The following SLC24A2 variants were observed in gnomAD, a reference collection of about 807,000 sequenced individuals.
The protein encoded by SLC24A2 is solute carrier family 24 member 2, also known as sodium/potassium/calcium exchanger 2.
A neutral mutation model predicts 62.0 loss-of-function variants in SLC24A2; 36 were observed. That is an observed-to-expected ratio of 0.58 (90% CI 0.44 to 0.77). SLC24A2 has a LOEUF of 0.77. Ranked by LOEUF, SLC24A2 falls within the 30% of genes least tolerant of loss-of-function variation. SLC24A2 has a pLI of 0.00. For missense variants in SLC24A2, 846 were observed against 817.9 expected (o/e 1.03, Z -0.42); for synonymous variants, 358 against 294.0 (o/e 1.22, Z -2.23).
chr9:20,138,038 A>G, the SLC24A2 span, among the ~76,000 whole-genome samples: 1 of 152,202 alleles, frequency 6.6e-6, no homozygotes, highest in African/African-American at 2.4e-5. Flanking sequence ...GAGTTAAGGA[A>G]GTTATACATG....
the SLC24A2 span, chr9:19,895,729 A>G: frequency 6.6e-6 from 9 of 1,365,550 alleles, 1 homozygote; most frequent in South Asian, 5.4e-5. Context: ...CTGGTGGTCG[A>G]GGCTGGAGTC....
chr9:19,636,315 T>TTTTCTTTTCTTTTCTTTCCTTTC, intron 2 of SLC24A2, among the ~76,000 whole-genome samples: 2 of 40,328 alleles, frequency 5.0e-5, no homozygotes, highest in African/African-American at 2.3e-4. Flanking sequence ...TTTTCTTTTC[T>TTTTCTTTTCTTTTCTTTCCTTTC]TTTCTTTCTT....
intron 8 of SLC24A2, among the ~76,000 whole-genome samples, chr9:19,528,622 T>C (rs1024960531): frequency 3.9e-5 from 6 of 152,098 alleles, no homozygotes; most frequent in Non-Finnish European, 7.4e-5. Flanking sequence ...ATGGGAAGGA[T>C]CAGCAGGTTT....
intron 2 of SLC24A2, among the ~76,000 whole-genome samples, chr9:19,679,209 G>C (rs1261855660): frequency 6.6e-6 from 1 of 152,036 alleles, no homozygotes. Flanking sequence ...ACATACCAAA[G>C]GGCAATAGTG....
chr9:19,929,433 A>T, the SLC24A2 span: 2 of 152,222 alleles, frequency 1.3e-5, no homozygotes, highest in African/African-American at 4.8e-5. Flanking sequence ...TTTTCAGTCA[A>T]CAACAGATCA....
At chr9:20,005,551 C>G in the SLC24A2 span, among the ~76,000 whole-genome samples, 1 of 151,846 alleles carries the variant, frequency 6.6e-6, no homozygotes, top group African/African-American at 2.4e-5. Context: ...AAGACTTGAA[C>G]TCAAGTTTCT....
the SLC24A2 span, among the ~76,000 whole-genome samples, chr9:19,992,176 G>A: frequency 6.6e-6 from 1 of 152,176 alleles, no homozygotes; most frequent in Non-Finnish European, 1.5e-5. Context: ...AAAGCTTTGT[G>A]TATTGAGAAT....
At chr9:19,623,518 A>G (rs1378507275) in intron 2 of SLC24A2, among the ~76,000 whole-genome samples, 3 of 152,242 alleles carry the variant, frequency 2.0e-5, no homozygotes, top group Non-Finnish European at 4.4e-5. Context: ...TTTTGTGTAA[A>G]AAAAATAGAA....
At chr9:19,924,087 C>T in the SLC24A2 span, among the ~76,000 whole-genome samples, 9 of 152,206 alleles carry the variant, frequency 5.9e-5, no homozygotes, top group Non-Finnish European at 1.0e-4. Flanking sequence ...ACTGTGTTCA[C>T]TCCGTTATGC....
At chr9:19,965,661 C>T in the SLC24A2 span, among the ~76,000 whole-genome samples, 4 of 152,210 alleles carry the variant, frequency 2.6e-5, no homozygotes, top group African/African-American at 9.6e-5. Flanking sequence ...GAAAACAATT[C>T]CATGGCAAAA....
chr9:19,707,471 G>A (rs141353670), intron 2 of SLC24A2, among the ~76,000 whole-genome samples: 28 of 151,102 alleles, frequency 1.9e-4, no homozygotes, highest in African/African-American at 5.9e-4. Context: ...TTTTAGACCA[G>A]TATCCTTGAT....
the SLC24A2 span, among the ~76,000 whole-genome samples, chr9:20,072,493 T>C: frequency 6.6e-6 from 1 of 152,186 alleles, no homozygotes; most frequent in Admixed American, 6.6e-5. Flanking sequence ...GACAAAACCA[T>C]ATATATGTAT....
At chr9:20,176,963 T>C in the SLC24A2 span, among the ~76,000 whole-genome samples, 1 of 152,194 alleles carries the variant, frequency 6.6e-6, no homozygotes, top group Admixed American at 6.5e-5. Context: ...TTGTTCCTTA[T>C]ATGTTTTAAT....
the SLC24A2 span, among the ~76,000 whole-genome samples, chr9:20,036,534 C>A: frequency 2.0e-5 from 3 of 152,162 alleles, no homozygotes; most frequent in Non-Finnish European, 4.4e-5. Flanking sequence ...CTGTTCTCTG[C>A]TTCTATGAGT....
intron 8 of SLC24A2, among the ~76,000 whole-genome samples, chr9:19,548,388 T>A (rs1051360674): frequency 2.0e-5 from 3 of 152,208 alleles, no homozygotes; most frequent in African/African-American, 7.2e-5. Context: ...TGACCAGGTA[T>A]AAATTAACTT....
the SLC24A2 span, among the ~76,000 whole-genome samples, chr9:20,020,430 A>T: frequency 6.6e-6 from 1 of 152,244 alleles, no homozygotes; most frequent in Non-Finnish European, 1.5e-5. Context: ...AAGGACATGG[A>T]TGAAGCTGGA....
chr9:20,246,179 C>T, the SLC24A2 span, among the ~76,000 whole-genome samples: 3 of 152,302 alleles, frequency 2.0e-5, no homozygotes, highest in East Asian at 5.8e-4. Context: ...ACTCATTCAA[C>T]AAATATTATT....
the SLC24A2 span, among the ~76,000 whole-genome samples, chr9:19,984,066 T>C: frequency 6.6e-6 from 1 of 152,352 alleles, no homozygotes; most frequent in South Asian, 2.1e-4. Context: ...GTCAAAAATG[T>C]ACTTCTGACT....
chr9:19,675,560 T>G (rs1219874047), intron 2 of SLC24A2, among the ~76,000 whole-genome samples: 15 of 152,210 alleles, frequency 9.9e-5, no homozygotes. Flanking sequence ...GGTATGGATC[T>G]CAGGCTAATG....
Sources: allele counts gnomAD v4.1 joint callset (sites outside exome capture counted in the v4.1 genomes callset), GRCh38; gene constraint gnomAD v4.1.1; transcripts MANE v1.5; gene names NCBI Gene and HGNC (gene_info 2026-07-23, HGNC 2026-07-21).